PARP16: variants seen among roughly 807,000 people sequenced by gnomAD.
PARP16 encodes poly(ADP-ribose) polymerase family member 16, also known as protein mono-ADP-ribosyltransferase PARP16.
PARP16 carries 31 observed loss-of-function variants against 35.0 expected under a neutral mutation model. That is an observed-to-expected ratio of 0.88 (90% CI 0.66 to 1.19). PARP16 has a LOEUF of 1.19. PARP16 is among the 50% of genes most tolerant of loss of function. The pLI is 0.00. For missense variants in PARP16, 424 were observed against 411.2 expected, an observed-to-expected ratio of 1.03 and a Z score of -0.27; for synonymous variants, 162 against 169.5, an observed-to-expected ratio of 0.96 and a Z score of 0.34.
At chr15:65,267,588 C>G (rs1016474062) in intron 2 of PARP16, among the ~76,000 whole-genome samples, 1 of 77,890 alleles carries the variant, frequency 1.3e-5, no homozygotes. Context: ...GCCTGGGCGA[C>G]AGAGCGAGAC....
At position 65,258,748 on chromosome 15, in the gene PARP16, G is replaced by C. The variant is rs1471699414; in HGVS notation, c.*659C>G. ...AAAAAGAGCAGTTTTCTCATCTTGA[G>C]TTGCTCATTAAGTCTGTATTTTTTA... On this transcript the variant is annotated 3_prime_UTR_variant, in exon 6 of 6. Coordinates refer to ENST00000649807, the MANE Select transcript of PARP16 (RefSeq NM_001316943.2). The C allele has an allele frequency of 6.6e-6, 1 of 152,566 alleles. No homozygotes were observed. The highest frequency in any genetic ancestry group is 1.5e-5 in the Non-Finnish European group (1 of 68,032). 9.5% of individuals were successfully genotyped at this position (152,566 alleles called of 1,614,324 possible).
intron 1 of PARP16, among the ~76,000 whole-genome samples, chr15:65,274,461 C>T (rs951514635): frequency 2.6e-5 from 4 of 151,682 alleles, no homozygotes; most frequent in Non-Finnish European, 4.4e-5. Context: ...CCTGTAGTCC[C>T]GGCTACTTGG....
At chr15:65,253,340 T>C (rs1396792052), downstream of PARP16, among the ~76,000 whole-genome samples, 1 of 151,942 alleles carries the variant, frequency 6.6e-6, no homozygotes, top group Non-Finnish European at 1.5e-5. Context: ...CATTCTCTTT[T>C]TTTTTTTTGA....
rs1567018791 is a variant in PARP16, at chr15:65,258,999, T to G, written c.*408A>C. 1.3e-5 allele frequency: 2 copies of G among 157,880 alleles called. No individual in the cohort carries two copies. Among genetic ancestry groups the G allele is most frequent in the African/African-American group, 4.8e-5 (2 of 41,664 alleles). The allele number at this position is 157,880 out of a possible 1,614,324, so 9.8% of individuals were successfully genotyped here. A position where few individuals can be genotyped will look rare whatever the true frequency, so the allele number is the denominator to read the frequency against. ...AACAAGGCAACCGCCTAGTGATTTA[T>G]AGTTCCCACATTTTCCGCCTTCCAG... On this transcript the variant is annotated 3_prime_UTR_variant, in exon 6 of 6. Transcript: ENST00000649807.
chr15:65,275,307 G>C (rs540644752), intron 1 of PARP16, among the ~76,000 whole-genome samples: 12 of 152,260 alleles, frequency 7.9e-5, no homozygotes, highest in African/African-American at 2.4e-4. Context: ...GCATGTAGCT[G>C]GGGAAGTGGG....
At chr15:65,270,789 A>G (rs953207418) in intron 2 of PARP16, 146 bp downstream of exon 2, 3 of 742,090 alleles carry the variant, frequency 4.0e-6, no homozygotes, top group Non-Finnish European at 6.7e-6. Flanking sequence ...ACAGAACTAG[A>G]AAGTCTAAAG....
At chr15:65,255,302 G>C (rs549149374), downstream of PARP16, among the ~76,000 whole-genome samples, 10 of 152,026 alleles carry the variant, frequency 6.6e-5, no homozygotes, top group African/African-American at 2.4e-4. Flanking sequence ...CGTGCCTAAG[G>C]CCCACATTGC....
At chr15:65,269,947 G>A (rs559175411) in intron 2 of PARP16, among the ~76,000 whole-genome samples, 38 of 152,282 alleles carry the variant, frequency 2.5e-4, no homozygotes, top group Admixed American at 1.6e-3. Flanking sequence ...AGATTCACTA[G>A]GAATTAGCCA....
chr15:65,232,589 T>G (rs189650859), downstream of PARP16, among the ~76,000 whole-genome samples: 1 of 152,148 alleles, frequency 6.6e-6, no homozygotes, highest in East Asian at 1.9e-4. Flanking sequence ...AAAATTCAAG[T>G]TCAAGTTTAC....
chr15:65,279,884 GT>G (rs929043926), intron 1 of PARP16, among the ~76,000 whole-genome samples: 79 of 146,192 alleles, frequency 5.4e-4, no homozygotes, highest in Middle Eastern at 3.5e-3. Flanking sequence ...AGACGTCAGG[GT>G]TTTTTTTTTT....
At chr15:65,260,654 C>T (rs935734765) in intron 5 of PARP16, among the ~76,000 whole-genome samples, 2 of 152,314 alleles carry the variant, frequency 1.3e-5, no homozygotes, top group South Asian at 4.1e-4. Context: ...GTCTCTCATG[C>T]TATTTGTGTT....
chr15:65,281,482 G>A (rs527355662), intron 1 of PARP16, among the ~76,000 whole-genome samples: 4 of 152,282 alleles, frequency 2.6e-5, no homozygotes, highest in South Asian at 4.1e-4. Context: ...CTGAGGTCAG[G>A]AGTTCAAAAC....
At chr15:65,256,407 CTTTTTT>C (rs11422149), downstream of PARP16, among the ~76,000 whole-genome samples, 13 of 121,508 alleles carry the variant, frequency 1.1e-4, no homozygotes, top group South Asian at 2.7e-3. Flanking sequence ...CTGCCCACGG[CTTTTTT>C]TTTTTTTTTT....
At chr15:65,257,727 T>C (rs1596006537), downstream of PARP16, among the ~76,000 whole-genome samples, 5 of 152,284 alleles carry the variant, frequency 3.3e-5, 1 homozygote, top group Admixed American at 3.3e-4. Flanking sequence ...ACCTGAGTAT[T>C]TTCTGACCCT....
chr15:65,247,729 C>G (rs185377651), intron 3 of PARP16, among the ~76,000 whole-genome samples: 2 of 151,152 alleles, frequency 1.3e-5, no homozygotes, highest in Admixed American at 6.6e-5. Flanking sequence ...AACATTCACA[C>G]AGACAGACAC....
At chr15:65,274,195 C>T (rs1373344665) in intron 1 of PARP16, among the ~76,000 whole-genome samples, 2 of 151,046 alleles carry the variant, frequency 1.3e-5, no homozygotes, top group African/African-American at 4.9e-5. Context: ...CCTCCTGCCT[C>T]AGCCTCCCAA....
chr15:65,254,500 CACAA>C (rs746111075), downstream of PARP16, among the ~76,000 whole-genome samples: 38 of 151,666 alleles, frequency 2.5e-4, no homozygotes, highest in African/African-American at 8.0e-4. Context: ...CAAAGGCAAA[CACAA>C]ACAAAGGCCA....
At chr15:65,277,987 C>A (rs569071500) in intron 1 of PARP16, among the ~76,000 whole-genome samples, 4 of 152,222 alleles carry the variant, frequency 2.6e-5, no homozygotes, top group Admixed American at 2.6e-4. Flanking sequence ...CCAACTGGAT[C>A]CAGGAGAATA....
At position 65,259,279 on chromosome 15, in the gene PARP16, G is replaced by A. The variant is rs2089619884; in HGVS notation, c.*128C>T. The A allele has an allele frequency of 1.2e-6, 1 of 836,754 alleles. No individual in the cohort carries two copies. The allele number at this position is 836,754 out of a possible 1,614,324, so 51.8% of individuals were successfully genotyped here. A position where few individuals can be genotyped will look rare whatever the true frequency, so the allele number is the denominator to read the frequency against. ...GGCAATGGATACATTTAGGCCATAT[G>A]AAAATTGTCCTGTGGTCCCCCAACT... is the stretch of plus-strand genomic sequence containing the variant. On this transcript the variant is annotated 3_prime_UTR_variant, in exon 6 of 6. Transcript: ENST00000649807.
Sources: allele counts gnomAD v4.1 joint callset (sites outside exome capture counted in the v4.1 genomes callset), GRCh38; gene constraint gnomAD v4.1.1; transcripts MANE v1.5; gene names NCBI Gene and HGNC (gene_info 2026-07-23, HGNC 2026-07-21).